FUT8: variants seen among roughly 807,000 people sequenced by gnomAD.
The protein encoded by FUT8 is fucosyltransferase 8, also known as alpha-(1,6)-fucosyltransferase.
FUT8 carries 29 observed loss-of-function variants against 71.3 expected under a neutral mutation model. The observed-to-expected ratio is 0.41, with a 90% CI of 0.30 to 0.55. FUT8 has a LOEUF of 0.55. FUT8 is among the 20% of genes least tolerant of loss of function. The pLI, the probability that FUT8 is intolerant of heterozygous loss-of-function variation, is 0.34. For synonymous variants in FUT8, 254 were observed against 239.3 expected, an observed-to-expected ratio of 1.06 and a Z score of -0.57; for missense variants, 544 against 702.1, an observed-to-expected ratio of 0.77 and a Z score of 2.55.
At chr14:65,611,899 G>C (rs530180762) in intron 3 of FUT8, among the ~76,000 whole-genome samples, 4 of 152,238 alleles carry the variant, frequency 2.6e-5, no homozygotes, top group African/African-American at 9.6e-5. Flanking sequence ...GACCTCAGGT[G>C]ATCTGCCTGC....
At chr14:65,570,067 T>C (rs1376260765) in intron 3 of FUT8, among the ~76,000 whole-genome samples, 1 of 152,038 alleles carries the variant, frequency 6.6e-6, no homozygotes, top group African/African-American at 2.4e-5. Context: ...TTGACATACA[T>C]TGAAGAGAAG....
At chr14:65,368,511 T>TG in the FUT8 span, among the ~76,000 whole-genome samples, 2 of 131,262 alleles carry the variant, frequency 1.5e-5, no homozygotes, top group Non-Finnish European at 3.3e-5. Flanking sequence ...TGGCTATTTT[T>TG]TTGTTGTTGT....
chr14:65,674,491 A>T (rs927025881), intron 7 of FUT8, among the ~76,000 whole-genome samples: 1 of 152,228 alleles, frequency 6.6e-6, no homozygotes, highest in Non-Finnish European at 1.5e-5. Context: ...GATGAAAATC[A>T]TGCCTTTATA....
intron 2 of FUT8, chr14:65,468,369 G>C: frequency 2.0e-6 from 1 of 509,364 alleles, no homozygotes; most frequent in East Asian, 4.6e-5. Flanking sequence ...GGAAGATGGT[G>C]GTTCCGGCCG....
chr14:65,467,390 C>T lies in FUT8; in HGVS notation c.-228+11672C>T, dbSNP rs778136889. 1.3e-5 allele frequency among the ~76,000 whole-genome samples: 2 copies of T among 151,690 alleles called. No individual in the cohort carries two copies. The highest frequency in any genetic ancestry group is 2.9e-5 in the Non-Finnish European group (2 of 67,874). On this transcript the variant is annotated intron_variant, in intron 2 of 10. Transcript: ENST00000673929. This position sits in a 1 kb window ranked among gnomAD's most constrained non-coding sequence, Gnocchi z 4.1. ...TTGGCTCACTGCAACCACTGCCTCCCGGGTTCAAGCGATTCTCCTGCCTCA... is the reference window on the plus strand; with the variant it reads ...TTGGCTCACTGCAACCACTGCCTCCTGGGTTCAAGCGATTCTCCTGCCTCA...
intron 7 of FUT8, among the ~76,000 whole-genome samples, chr14:65,695,405 T>C (rs1457035091): frequency 1.3e-5 from 2 of 152,244 alleles, no homozygotes; most frequent in African/African-American, 4.8e-5. Context: ...TCTGTCATTA[T>C]ATAATGCTGT....
intron 2 of FUT8, among the ~76,000 whole-genome samples, chr14:65,538,390 C>T (rs1884472563): frequency 6.6e-6 from 1 of 152,170 alleles, no homozygotes; most frequent in Non-Finnish European, 1.5e-5. Context: ...CCTCTCTCTT[C>T]ACATCAGCCC....
chr14:65,462,932 G>A (rs78821415), intron 2 of FUT8, among the ~76,000 whole-genome samples: 1 of 152,182 alleles, frequency 6.6e-6, no homozygotes, highest in African/African-American at 2.4e-5. Flanking sequence ...GGGGAGATAG[G>A]ATTGTCTCAC....
intron 3 of FUT8, among the ~76,000 whole-genome samples, chr14:65,599,197 T>C (rs972551209): frequency 1.3e-5 from 2 of 152,120 alleles, no homozygotes; most frequent in African/African-American, 4.8e-5. Context: ...TCATCAGCTT[T>C]AAAGTAAACA....
rs188459699 is a variant in FUT8, at chr14:65,717,580, G to A, written c.836-4195G>A. ...AGACGATGGGCGGCCGGGCAGAGACGCTCCTCACCTCCCAGACGGGGCGGC... is the reference window on the plus strand; with the variant it reads ...AGACGATGGGCGGCCGGGCAGAGACACTCCTCACCTCCCAGACGGGGCGGC... On this transcript the variant is annotated intron_variant, in intron 7 of 10. Transcript: ENST00000673929. Among the ~76,000 whole-genome samples, 659 of 115,908 alleles carry A rather than the reference G, an allele frequency of 5.7e-3. 17 individuals carry two copies. The East Asian group carries it at 0.098, about 17-fold the overall frequency. The allele number at this position is 115,908 out of a possible 152,430, so 76.0% of individuals were successfully genotyped here.
chr14:65,498,845 A>G (rs1038351754), intron 2 of FUT8, among the ~76,000 whole-genome samples: 3 of 152,164 alleles, frequency 2.0e-5, no homozygotes, highest in African/African-American at 4.8e-5. Flanking sequence ...TAGAGGTTGG[A>G]AGCAGTGGGA....
intron 9 of FUT8, among the ~76,000 whole-genome samples, chr14:65,729,600 C>G (rs780473518): frequency 6.6e-6 from 1 of 151,474 alleles, no homozygotes; most frequent in Non-Finnish European, 1.5e-5. Flanking sequence ...ACGGTAGCCT[C>G]GACCTCCTGG....
rs182232303 is a variant in FUT8 at position 65,611,638 on chromosome 14, G to A, written c.204-4340G>A. Among the ~76,000 whole-genome samples the A allele has an allele frequency of 7.3e-4, 110 of 151,564 alleles. 1 individual carries two copies. The highest frequency in any genetic ancestry group is 2.5e-3 in the African/African-American group (105 of 41,322). On this transcript the variant is annotated intron_variant, in intron 3 of 10. Transcript: ENST00000673929. ...TTTTCATCTGTAGTAGTTCAACTTG[G>A]GTATCTATTAAAATTTTTTCTTTCT...
At chr14:65,573,840 G>A (rs940621301) in intron 3 of FUT8, among the ~76,000 whole-genome samples, 2 of 152,006 alleles carry the variant, frequency 1.3e-5, no homozygotes, top group Non-Finnish European at 2.9e-5. Context: ...AAATGCATCT[G>A]ATTGTTTATA....
rs755784365 is a variant in FUT8 at position 65,652,436 on chromosome 14, C to G, written c.598-16807C>G. ...AAAAACTTTTAGTGTACTTCTTCTT[C>G]TGGCCTTTGGATATGATGTGAGAAG... On this transcript the variant is annotated intron_variant, in intron 6 of 10. Coordinates refer to ENST00000673929, the MANE Select transcript of FUT8 (RefSeq NM_001371533.1). The surrounding 1 kb of genome is among the most constrained non-coding windows in gnomAD (Gnocchi z 4.0). Among the ~76,000 whole-genome samples the G allele has an allele frequency of 6.6e-6, 1 of 152,258 alleles. No homozygotes were observed.
chr14:65,630,574 C>T (rs1052147388), intron 6 of FUT8, among the ~76,000 whole-genome samples: 3 of 152,088 alleles, frequency 2.0e-5, no homozygotes, highest in African/African-American at 7.2e-5. Flanking sequence ...AGACTAGAAG[C>T]AGGGAGACCA....
chr14:65,525,707 A>G (rs1226248092), intron 2 of FUT8, among the ~76,000 whole-genome samples: 1 of 152,226 alleles, frequency 6.6e-6, no homozygotes, highest in Non-Finnish European at 1.5e-5. Context: ...TTAGTGCTAT[A>G]AATTTCCCTC....
chr14:65,574,460 T>A lies in FUT8; in HGVS notation c.203+12694T>A, dbSNP rs1267704032. 6.6e-6 allele frequency among the ~76,000 whole-genome samples: 1 copy of A among 152,166 alleles called. No homozygotes were observed. Among genetic ancestry groups the A allele is most frequent in the Non-Finnish European group, 1.5e-5 (1 of 68,036 alleles). ...CATGTGTTTTTAACATGTTTTATTG[T>A]GCTCGATAATAACATCAAAGTTTTC... On this transcript the variant is annotated intron_variant, in intron 3 of 10. Transcript: ENST00000673929. This position sits in a 1 kb window ranked among gnomAD's most constrained non-coding sequence, Gnocchi z 5.2.
intron 2 of FUT8, among the ~76,000 whole-genome samples, chr14:65,459,245 G>A (rs112243342): frequency 6.6e-6 from 1 of 151,842 alleles, no homozygotes; most frequent in Non-Finnish European, 1.5e-5. Flanking sequence ...AGGATTTTAG[G>A]GTATTTAGAT....
Sources: gnomAD v4.1 joint callset for allele counts (sites outside exome capture counted in the v4.1 genomes callset) on GRCh38, gnomAD v4.1.1 for gene constraint, Gnocchi (gnomAD v3.1) non-coding constraint, MANE v1.5 for transcripts, NCBI Gene and HGNC (gene_info 2026-07-23, HGNC 2026-07-21) for gene names.